Variants in SASH1 observed in about 807,000 individuals in gnomAD.
The protein encoded by SASH1 is SAM and SH3 domain-containing protein 1.
A neutral mutation model predicts 125.2 loss-of-function variants in SASH1; 44 were observed. That is an observed-to-expected ratio of 0.35 (90% CI 0.28 to 0.45). SASH1 has a LOEUF of 0.45. Among genes scored for constraint, SASH1 ranks in the 20% least tolerant of loss-of-function variants. SASH1 has a pLI of 1.00. For synonymous variants in SASH1, 639 were observed against 649.1 expected (o/e 0.98, Z 0.24); for missense variants, 1,426 against 1,614.5 (o/e 0.88, Z 2.00).
Position 148,314,700 on chromosome 6 carries a change from GA to G in SASH1, n.74+42325del, listed in dbSNP as rs79389462. 5.7e-4 allele frequency among the ~76,000 whole-genome samples: 86 copies of G among 152,060 alleles called. 1 individual carries two copies. The East Asian group carries it at 0.016, about 28-fold the overall frequency. ...AGTTCAAGAGGAGGGACAAGAACGA[GA>G]AGGTGGGTTTAGAATTCCTTTTGCT... On this transcript the variant is annotated intron_variant and non_coding_transcript_variant, in intron 1 of 3. Coordinates refer to the SASH1 transcript ENST00000367469.
intron 8 of SASH1, among the ~76,000 whole-genome samples, chr6:148,504,712 T>TCTACTATGGGA (rs1779706031): frequency 1.1e-5 from 1 of 90,034 alleles, no homozygotes; most frequent in Non-Finnish European, 2.0e-5. Context: ...TATTTATGGG[T>TCTACTATGGGA]GGGCACTAGG....
At chr6:148,381,751 C>A (rs1381052154) in intron 1 of SASH1, among the ~76,000 whole-genome samples, 2 of 149,872 alleles carry the variant, frequency 1.3e-5, no homozygotes, top group Non-Finnish European at 3.0e-5. Context: ...GCCTCAGCTT[C>A]CTGAGTAGCT....
the SASH1 span, among the ~76,000 whole-genome samples, chr6:148,219,900 G>T: frequency 6.6e-6 from 1 of 152,190 alleles, no homozygotes; most frequent in African/African-American, 2.4e-5. Context: ...ATGCAAAATG[G>T]TGCATGGTAT....
rs1270887816 is a variant in SASH1 at position 148,532,681 on chromosome 6, C to G, written c.1565-116C>G. The G allele has an allele frequency of 1.6e-6, 2 of 1,259,018 alleles. No homozygotes were observed. The highest frequency in any genetic ancestry group is 2.2e-6 in the Non-Finnish European group (2 of 891,896). The allele number at this position is 1,259,018 out of a possible 1,614,324, so 78.0% of individuals were successfully genotyped here. ...CTGGTCCTGACAGAGGGTTGTGGCT[C>G]AAGGCTTCCTTTCTCTGGGCCTTCA... On this transcript the variant is annotated intron_variant, in intron 13 of 19. Transcript: ENST00000367467. The surrounding 1 kb of genome is among the most constrained non-coding windows in gnomAD (Gnocchi z 4.7).
intron 2 of SASH1, among the ~76,000 whole-genome samples, chr6:148,396,348 C>T (rs940214999): frequency 6.6e-5 from 10 of 151,504 alleles, no homozygotes; most frequent in Middle Eastern, 6.8e-3. Context: ...TGTGGTGGTG[C>T]GCACCTATAA....
At chr6:148,211,573 A>AG in the SASH1 span, among the ~76,000 whole-genome samples, 1 of 146,084 alleles carries the variant, frequency 6.8e-6, no homozygotes, top group African/African-American at 2.8e-5. Context: ...GCCATCTCAA[A>AG]GGGAAAAAAA....
intron 11 of SASH1, among the ~76,000 whole-genome samples, chr6:148,525,756 C>T (rs149034126): frequency 2.8e-4 from 43 of 152,298 alleles, no homozygotes; most frequent in African/African-American, 9.9e-4. Context: ...TGATTTGGTC[C>T]CCAAGAGTAT....
At chr6:148,401,173 G>C (rs1230541229) in intron 2 of SASH1, among the ~76,000 whole-genome samples, 1 of 151,508 alleles carries the variant, frequency 6.6e-6, no homozygotes, top group African/African-American at 2.4e-5. Flanking sequence ...AGGATGGCTT[G>C]AGCTTAGGAG....
At chr6:148,236,267 T>G in the SASH1 span, among the ~76,000 whole-genome samples, 1 of 151,516 alleles carries the variant, frequency 6.6e-6, no homozygotes, top group Non-Finnish European at 1.5e-5. Flanking sequence ...CAGGCTGGAG[T>G]GCAATGGCAC....
chr6:148,390,548 A>G (rs1277590970), intron 2 of SASH1, among the ~76,000 whole-genome samples: 1 of 152,220 alleles, frequency 6.6e-6, no homozygotes, highest in Non-Finnish European at 1.5e-5. Context: ...GCACTTTGAG[A>G]GGCCCAGGCG....
In SASH1 at chr6:148,404,026, G is replaced by A. The variant is rs9373559; in HGVS notation, c.285+13764G>A. 5.0e-3 allele frequency among the ~76,000 whole-genome samples: 759 copies of A among 152,256 alleles called. 24 individuals carry two copies. The East Asian group carries it at 0.072, about 14-fold the overall frequency. Reference sequence around the variant, plus strand: ...CCATTACTGTATCTCTATGGCCAGAGCAATCCCCTGAATATAGTAGGTGAC... The same window carrying A: ...CCATTACTGTATCTCTATGGCCAGAACAATCCCCTGAATATAGTAGGTGAC... On this transcript the variant is annotated intron_variant, in intron 2 of 19. Coordinates refer to ENST00000367467, the MANE Select transcript of SASH1 (RefSeq NM_015278.5).
chr6:148,287,667 T>C (rs1043177853), intron 1 of SASH1, among the ~76,000 whole-genome samples: 1 of 148,036 alleles, frequency 6.8e-6, no homozygotes, highest in African/African-American at 2.5e-5. Flanking sequence ...TGTGTGTACA[T>C]GCCTGTAATC....
intron 8 of SASH1, chr6:148,513,727 C>T (rs1583282607): frequency 1.9e-5 from 19 of 985,990 alleles, no homozygotes; most frequent in Non-Finnish European, 2.3e-5. Context: ...TCCTCACATT[C>T]GCCTTGTGAG....
intron 5 of SASH1, 83 bp downstream of exon 5, chr6:148,468,668 A>G (rs1476587184): frequency 1.8e-5 from 15 of 850,714 alleles, no homozygotes; most frequent in Admixed American, 5.4e-5. Flanking sequence ...TACAAAACCC[A>G]CAAGAATCCT....
intron 16 of SASH1, among the ~76,000 whole-genome samples, chr6:148,537,934 C>T (rs115882692): frequency 0.01 from 1,535 of 152,084 alleles, 25 homozygotes; most frequent in African/African-American, 0.035. Flanking sequence ...CAACCTAGCA[C>T]TTTGCTGTGA....
intron 2 of SASH1, among the ~76,000 whole-genome samples, chr6:148,411,541 T>A (rs959615049): frequency 2.6e-5 from 4 of 152,178 alleles, no homozygotes; most frequent in African/African-American, 9.7e-5. Flanking sequence ...TTATTTTATT[T>A]ATTAGTGTTA....
chr6:148,307,150 G>A (rs536204691), intron 1 of SASH1, among the ~76,000 whole-genome samples: 17 of 144,642 alleles, frequency 1.2e-4, no homozygotes, highest in South Asian at 4.5e-4. Context: ...ACAGAGTCTC[G>A]CTCTGTCATC....
the SASH1 span, among the ~76,000 whole-genome samples, chr6:148,235,967 T>C: frequency 6.6e-6 from 1 of 152,296 alleles, no homozygotes; most frequent in Non-Finnish European, 1.5e-5. Flanking sequence ...TAAAATTCCT[T>C]CTTTGTGTTC....
chr6:148,291,414 C>T (rs1461520437), intron 1 of SASH1, among the ~76,000 whole-genome samples: 5 of 152,128 alleles, frequency 3.3e-5, no homozygotes, highest in Non-Finnish European at 7.4e-5. Context: ...GTCACAGTGG[C>T]TCATGCCTGT....
Sources: allele counts gnomAD v4.1 joint callset (sites outside exome capture counted in the v4.1 genomes callset), GRCh38; gene constraint gnomAD v4.1.1; non-coding constraint Gnocchi (gnomAD v3.1); transcripts MANE v1.5; gene names NCBI Gene and HGNC (gene_info 2026-07-23, HGNC 2026-07-21).